Variants in CPED1 observed in about 807,000 individuals in gnomAD.
CPED1 encodes cadherin like and PC-esterase domain containing 1.
Under a neutral mutation model 128.2 loss-of-function variants are expected in CPED1, and 114 were observed. That is an observed-to-expected ratio of 0.89 (90% CI 0.76 to 1.04). The LOEUF (loss-of-function observed/expected upper bound fraction) is 1.04, where lower values mean the gene tolerates loss of function less well. CPED1 is among the 50% of genes least tolerant of loss of function. CPED1 has a pLI of 0.00. For synonymous variants in CPED1, 462 were observed against 426.7 expected (o/e 1.08, Z -1.02); for missense variants, 1,211 against 1,207.1 (o/e 1.00, Z -0.05).
intron 2 of CPED1, among the ~76,000 whole-genome samples, chr7:121,007,490 C>A (rs1473051628): frequency 6.6e-6 from 1 of 152,102 alleles, no homozygotes; most frequent in Non-Finnish European, 1.5e-5. Flanking sequence ...CATGACCGAT[C>A]TATAAGGTAT....
chr7:121,007,486 C>T (rs981571130), intron 2 of CPED1, among the ~76,000 whole-genome samples: 1 of 152,038 alleles, frequency 6.6e-6, no homozygotes, highest in African/African-American at 2.4e-5. Context: ...AAATCATGAC[C>T]GATCTATAAG....
chr7:121,225,218 C>CTCCTTCACT (rs1797976073), intron 16 of CPED1, among the ~76,000 whole-genome samples: 1 of 152,080 alleles, frequency 6.6e-6, no homozygotes. Flanking sequence ...GATTTTATTT[C>CTCCTTCACT]TCCTTCACTT....
intron 10 of CPED1, among the ~76,000 whole-genome samples, chr7:121,127,809 C>T (rs527925945): frequency 2.6e-5 from 4 of 152,036 alleles, no homozygotes; most frequent in East Asian, 1.9e-4. Context: ...GCTGGGATTA[C>T]GAAATGTTTG....
chr7:121,192,792 A>G (rs1797173916), intron 16 of CPED1, among the ~76,000 whole-genome samples: 1 of 152,160 alleles, frequency 6.6e-6, no homozygotes, highest in Non-Finnish European at 1.5e-5. Context: ...AATAATAAAT[A>G]TTCACACCCG....
At chr7:121,138,127 G>A (rs182620972) in intron 14 of CPED1, among the ~76,000 whole-genome samples, 1 of 152,104 alleles carries the variant, frequency 6.6e-6, no homozygotes, top group African/African-American at 2.4e-5. Flanking sequence ...AATAATGTAA[G>A]GATGCCTCAG....
In CPED1 at chr7:121,030,410, T is replaced by C. The variant is rs888889912; in HGVS notation, c.433+14562T>C. Among the ~76,000 whole-genome samples the C allele has an allele frequency of 1.1e-4, 17 of 152,300 alleles. 1 individual carries two copies. The highest frequency in any genetic ancestry group is 2.1e-4 in the Non-Finnish European group (14 of 68,030). On this transcript the variant is annotated intron_variant, in intron 3 of 22. Transcript: ENST00000310396. ...AAATTGAAAACTCTGAAATAAATAA[T>C]TTGTAAGCTTTAATTGTGCATCATT...
Position 121,295,500 on chromosome 7 carries a change from C to A in CPED1, c.2929C>A (p.His977Asn). Residue 977 changes from histidine to asparagine, a missense_variant, in exon 23 of 23, where the codon CAT becomes AAT. Physicochemically the swap from His to Asn is moderately conservative, Grantham distance 68. Transcript: ENST00000310396. ...NFIKMKRSRNHIMGRYFSNQS... is the reference protein window; with the variant it reads ...NFIKMKRSRNNIMGRYFSNQS... ...TATTAAAATGAAAAGATCAAGAAAT[C>A]ATATCATGGGAAGATATTTCAGCAA... 1 of 1,613,876 alleles carries A rather than the reference C, an allele frequency of 6.2e-7. No individual in the cohort carries two copies. Among genetic ancestry groups the A allele is most frequent in the Non-Finnish European group, 8.5e-7 (1 of 1,179,850 alleles).
intron 17 of CPED1, among the ~76,000 whole-genome samples, chr7:121,243,547 AT>A (rs1176604509): frequency 6.6e-6 from 1 of 152,212 alleles, no homozygotes; most frequent in Admixed American, 6.5e-5. Flanking sequence ...AATATTGCAA[AT>A]GTGTCTTAAA....
intron 16 of CPED1, among the ~76,000 whole-genome samples, chr7:121,151,471 G>A (rs1030356028): frequency 4.6e-5 from 7 of 152,276 alleles, no homozygotes; most frequent in African/African-American, 1.7e-4. Context: ...TAGTTTTAAT[G>A]ATAAAGAAAT....
At position 121,058,120 on chromosome 7, in the gene CPED1, G is replaced by A. The variant is rs967645702; in HGVS notation, c.541-6118G>A. ...CTGAAGTAGAGTGAATGTAGTAGGT[G>A]GTGAGGGCAGAGAGGTACCTGGAGC... On this transcript the variant is annotated intron_variant, in intron 4 of 22. Coordinates refer to ENST00000310396, the MANE Select transcript of CPED1 (RefSeq NM_024913.5). Among the ~76,000 whole-genome samples, 3 of 152,082 alleles carry A rather than the reference G, an allele frequency of 2.0e-5. No homozygotes were observed. In the East Asian group the frequency reaches 5.8e-4, roughly 29 times the overall value.
chr7:121,088,094 C>T (rs1794479102), intron 5 of CPED1, among the ~76,000 whole-genome samples: 1 of 152,134 alleles, frequency 6.6e-6, no homozygotes, highest in Non-Finnish European at 1.5e-5. Context: ...ATATAAATGA[C>T]TTCTTATCCA....
chr7:121,098,736 A>ATATATT (rs1157406224), intron 6 of CPED1, among the ~76,000 whole-genome samples: 2 of 29,598 alleles, frequency 6.8e-5, no homozygotes, highest in African/African-American at 1.7e-4. Flanking sequence ...TCTCAAATAT[A>ATATATT]TATATATAAA....
intron 10 of CPED1, among the ~76,000 whole-genome samples, chr7:121,128,005 G>A (rs892947090): frequency 2.0e-5 from 3 of 152,128 alleles, no homozygotes; most frequent in African/African-American, 7.2e-5. Context: ...CCAGATTGAC[G>A]TCAGAGGACT....
intron 18 of CPED1, among the ~76,000 whole-genome samples, chr7:121,257,506 A>G (rs1249650680): frequency 7.2e-6 from 1 of 139,360 alleles, no homozygotes; most frequent in Admixed American, 7.0e-5. Flanking sequence ...GAGCCTGAGA[A>G]AGATATTTTT....
intron 5 of CPED1, among the ~76,000 whole-genome samples, chr7:121,066,319 T>G (rs1793830516): frequency 6.6e-6 from 1 of 152,102 alleles, no homozygotes; most frequent in African/African-American, 2.4e-5. Context: ...GGTTTTTTGT[T>G]TTTTGTTTTT....
At position 120,998,055 on chromosome 7, in the gene CPED1, T is replaced by C. The variant is rs146112010; in HGVS notation, c.249+8185T>C. Among the ~76,000 whole-genome samples the C allele has an allele frequency of 7.3e-3, 1,105 of 151,882 alleles. 21 individuals carry two copies. Among genetic ancestry groups the C allele is most frequent in the African/African-American group, 0.025 (1,046 of 41,384 alleles). ...TGCCATGTAATGTTGAAGGCAGAGA[T>C]TGGAGTCATGCAGCTGCACACTGAA... On this transcript the variant is annotated intron_variant, in intron 2 of 22. Transcript: ENST00000310396.
chr7:121,253,107 A>G (rs559615845), intron 18 of CPED1, among the ~76,000 whole-genome samples: 23 of 152,182 alleles, frequency 1.5e-4, no homozygotes, highest in Non-Finnish European at 2.9e-4. Context: ...TGTGGCACAT[A>G]TACACCATGG....
intron 3 of CPED1, among the ~76,000 whole-genome samples, chr7:121,033,505 A>T (rs1792792891): frequency 6.6e-6 from 1 of 152,212 alleles, no homozygotes; most frequent in Non-Finnish European, 1.5e-5. Flanking sequence ...ACACACTTTA[A>T]AAATATTAAC....
rs556382388 is a variant in CPED1 at position 121,231,236 on chromosome 7, T to C, written c.2056-5478T>C. Reference sequence around the variant, plus strand: ...TTTCCAGAAGTAGAAGAGAATGAGATGAAAAATACAAGTGAAAGAAGCAAC... The same window carrying C: ...TTTCCAGAAGTAGAAGAGAATGAGACGAAAAATACAAGTGAAAGAAGCAAC... On this transcript the variant is annotated intron_variant, in intron 16 of 22. Coordinates refer to ENST00000310396, the MANE Select transcript of CPED1 (RefSeq NM_024913.5). Among the ~76,000 whole-genome samples the C allele has an allele frequency of 2.6e-5, 4 of 152,068 alleles. No homozygotes were observed. In the South Asian group the frequency reaches 8.3e-4, roughly 32 times the overall value.
Sources: gnomAD v4.1 joint callset for allele counts (sites outside exome capture counted in the v4.1 genomes callset) on GRCh38, gnomAD v4.1.1 for gene constraint, MANE v1.5 for transcripts, NCBI Gene and HGNC (gene_info 2026-07-23, HGNC 2026-07-21) for gene names.